Variants in SFMBT2 observed in about 807,000 individuals in gnomAD.
SFMBT2 encodes the protein Scm like with four mbt domains 2.
In SFMBT2, 38 loss-of-function variants were observed where a neutral mutation model predicts 110.1. The ratio of observed to expected loss-of-function variants is 0.35; its 90% CI spans 0.27 to 0.45. The LOEUF is 0.45. Among genes scored for constraint, SFMBT2 ranks in the 20% least tolerant of loss-of-function variants. The pLI, the probability that SFMBT2 is intolerant of heterozygous loss-of-function variation, is 1.00. For synonymous variants in SFMBT2, 425 were observed against 425.4 expected, an observed-to-expected ratio of 1.00 and a Z score of 0.01; for missense variants, 1,011 against 1,094.9, an observed-to-expected ratio of 0.92 and a Z score of 1.08.
chr10:7,181,716 TC>T (rs1838251186), intron 16 of SFMBT2, among the ~76,000 whole-genome samples: 1 of 152,152 alleles, frequency 6.6e-6, no homozygotes. Flanking sequence ...GAAATCCAAC[TC>T]CAACCTGAAC....
chr10:7,205,100 A>T, intron 12 of SFMBT2: 8 of 280,274 alleles, frequency 2.9e-5, no homozygotes, highest in Non-Finnish European at 4.3e-5. Flanking sequence ...TTTGAGACAG[A>T]GTCTCACCCT....
chr10:7,171,410 T>A lies in SFMBT2; in HGVS notation c.2416-354A>T. ...ACGTCCAAGCAGACACGAGACAGTG[T>A]CCCCCAGTGTTTCTGTAATGGTGGT... On this transcript the variant is annotated intron_variant, in intron 19 of 20. Transcript: ENST00000397167. The surrounding 1 kb of genome is among the most constrained non-coding windows in gnomAD (Gnocchi z 4.9). The A allele has an allele frequency of 1.0e-6, 1 of 985,366 alleles. No individual in the cohort carries two copies. Among genetic ancestry groups the A allele is most frequent in the African/African-American group, 1.7e-5 (1 of 57,340 alleles). 61.0% of individuals were successfully genotyped at this position (985,366 alleles called of 1,614,324 possible). A position where few individuals can be genotyped will look rare whatever the true frequency, so the allele number is the denominator to read the frequency against.
chr10:7,358,763 C>T (rs116220034), intron 4 of SFMBT2, among the ~76,000 whole-genome samples: 131 of 151,370 alleles, frequency 8.7e-4, no homozygotes, highest in African/African-American at 3.0e-3. Context: ...CAGCATGGCC[C>T]TAGAACATCT....
chr10:7,245,130 G>A (rs561259113), intron 8 of SFMBT2, among the ~76,000 whole-genome samples: 2 of 152,096 alleles, frequency 1.3e-5, no homozygotes, highest in South Asian at 4.2e-4. Flanking sequence ...CTGCTACCGG[G>A]GGGCACAGTC....
chr10:7,186,523 C>A (rs1165399156), intron 16 of SFMBT2, among the ~76,000 whole-genome samples: 1 of 150,824 alleles, frequency 6.6e-6, no homozygotes, highest in Non-Finnish European at 1.5e-5. Context: ...GTTGTCCAGG[C>A]TGGTCTTGAA....
chr10:7,245,136 C>T (rs892824887), intron 8 of SFMBT2, among the ~76,000 whole-genome samples: 1 of 152,068 alleles, frequency 6.6e-6, no homozygotes, highest in Non-Finnish European at 1.5e-5. Context: ...CCGGGGGGCA[C>T]AGTCCCAGGA....
intron 4 of SFMBT2, chr10:7,348,191 T>G (rs1387235850): frequency 1.1e-6 from 1 of 918,834 alleles, no homozygotes; most frequent in Non-Finnish European, 1.6e-6. Flanking sequence ...AGGGTTTGGG[T>G]TGGTTTATGT....
In SFMBT2 at chr10:7,277,994, CAGTA is replaced by C. The variant is rs749497053; in HGVS notation, c.773-1009_773-1006del. 3.8e-4 allele frequency among the ~76,000 whole-genome samples: 58 copies of C among 152,352 alleles called. 1 individual carries two copies. Among genetic ancestry groups the C allele is most frequent in the Middle Eastern group, 3.4e-3 (1 of 294 alleles). ...TCCGCAGTTTATTCAGTCATAATTA[CAGTA>C]AGTATCAGATCCTGCCAGAACTAGC... On this transcript the variant is annotated intron_variant, in intron 6 of 20. Coordinates refer to ENST00000397167, the MANE Select transcript of SFMBT2 (RefSeq NM_001387889.1).
intron 7 of SFMBT2, chr10:7,263,966 A>C: frequency 4.8e-6 from 1 of 210,254 alleles, no homozygotes; most frequent in Non-Finnish European, 8.3e-6. Context: ...TAAGGGTTAA[A>C]TCTATAATCA....
In SFMBT2 at chr10:7,207,786, G is replaced by T. The variant is rs552048513; in HGVS notation, c.1331-1858C>A. On this transcript the variant is annotated intron_variant, in intron 11 of 20. Transcript: ENST00000397167. The stretch of plus-strand genomic sequence containing the variant: ...AGATGGAGTATTTTACTTGCTAAAC[G>T]TGGGGTCCCAATTTAGAGTTAAGCC... 2.9e-3 allele frequency among the ~76,000 whole-genome samples: 446 copies of T among 152,320 alleles called. 5 individuals are homozygous for T. Among genetic ancestry groups the T allele is most frequent in the Non-Finnish European group, 4.7e-3 (322 of 68,036 alleles).
chr10:7,333,454 A>G lies in SFMBT2; in HGVS notation c.436+34195T>C, dbSNP rs575750913. On this transcript the variant is annotated intron_variant, in intron 4 of 20. Coordinates refer to ENST00000397167, the MANE Select transcript of SFMBT2 (RefSeq NM_001387889.1). ...GATACCCAGGCTGGAGTGCAGTGGC[A>G]TGATCATAGCTCACTACCACCTCGA... Among the ~76,000 whole-genome samples, 4 of 149,084 alleles carry G rather than the reference A, an allele frequency of 2.7e-5. No individual in the cohort carries two copies. The East Asian group carries it at 7.9e-4, about 29-fold the overall frequency.
chr10:7,249,989 A>C (rs1840750114), intron 7 of SFMBT2, among the ~76,000 whole-genome samples: 1 of 152,198 alleles, frequency 6.6e-6, no homozygotes, highest in South Asian at 2.1e-4. Flanking sequence ...GGCCACTCTA[A>C]ATATTTACAA....
In SFMBT2 at chr10:7,175,945, A is replaced by C. The variant is rs768023279; in HGVS notation, c.1984+45T>G. 8 of 1,561,292 alleles carry C rather than the reference A, an allele frequency of 5.1e-6. No homozygotes were observed. In the East Asian group the frequency reaches 1.6e-4, roughly 31 times the overall value. ...AACCAAATACCTTAGAGTGCAGTTT[A>C]GGTCTCTGGGCTCATGCATTTCTTT... On this transcript the variant is annotated intron_variant, in intron 17 of 20. Coordinates refer to ENST00000397167, the MANE Select transcript of SFMBT2 (RefSeq NM_001387889.1).
chr10:7,278,760 T>C (rs1841857707), intron 6 of SFMBT2, among the ~76,000 whole-genome samples: 2 of 152,074 alleles, frequency 1.3e-5, no homozygotes, highest in Non-Finnish European at 2.9e-5. Flanking sequence ...TGACCCTTGA[T>C]GGTGGTCTCT....
intron 7 of SFMBT2, among the ~76,000 whole-genome samples, chr10:7,258,414 C>A (rs1279149913): frequency 6.6e-6 from 1 of 152,074 alleles, no homozygotes; most frequent in Admixed American, 6.5e-5. Flanking sequence ...TTTTAAGCAA[C>A]AAAATCTTTT....
At chr10:7,374,025 G>A (rs972799301) in intron 2 of SFMBT2, among the ~76,000 whole-genome samples, 23 of 152,160 alleles carry the variant, frequency 1.5e-4, no homozygotes, top group African/African-American at 5.1e-4. Flanking sequence ...CACTTTGGGA[G>A]GGCAAGGAAG....
chr10:7,190,939 T>C (rs1279847293), intron 15 of SFMBT2, among the ~76,000 whole-genome samples: 3 of 152,196 alleles, frequency 2.0e-5, no homozygotes, highest in Non-Finnish European at 1.5e-5. Flanking sequence ...GTTCTCGTGG[T>C]AGTGAATAAG....
chr10:7,241,903 G>A (rs535684587), intron 9 of SFMBT2, among the ~76,000 whole-genome samples: 4 of 152,120 alleles, frequency 2.6e-5, no homozygotes, highest in Non-Finnish European at 5.9e-5. Flanking sequence ...TGAGGAAACA[G>A]CCAACCATTT....
intron 7 of SFMBT2, among the ~76,000 whole-genome samples, chr10:7,250,156 T>C (rs558460105): frequency 6.6e-6 from 1 of 152,216 alleles, no homozygotes; most frequent in Non-Finnish European, 1.5e-5. Flanking sequence ...CAGGGGTACA[T>C]ACACAGGTTT....
Sources: allele counts gnomAD v4.1 joint callset (sites outside exome capture counted in the v4.1 genomes callset), GRCh38; gene constraint gnomAD v4.1.1; non-coding constraint Gnocchi (gnomAD v3.1); transcripts MANE v1.5; gene names NCBI Gene and HGNC (gene_info 2026-07-23, HGNC 2026-07-21).